The following SEMA6D variants were observed in gnomAD, a reference collection of about 807,000 sequenced individuals.
The protein encoded by SEMA6D is semaphorin 6D.
In SEMA6D, 35 loss-of-function variants were observed where a neutral mutation model predicts 106.6. The ratio of observed to expected loss-of-function variants is 0.33; its 90% CI spans 0.25 to 0.44. SEMA6D has a LOEUF of 0.44. SEMA6D is among the 20% of genes least tolerant of loss of function. SEMA6D has a pLI of 1.00. For synonymous variants in SEMA6D, 499 were observed against 487.7 expected (o/e 1.02, Z -0.31); for missense variants, 1,185 against 1,345.9 (o/e 0.88, Z 1.87).
rs570232373 is a variant in SEMA6D at position 47,764,084 on chromosome 15, G to A, written c.965+17G>A. The A allele has an allele frequency of 1.5e-5, 24 of 1,613,532 alleles. No homozygotes were observed. Among genetic ancestry groups the A allele is most frequent in the South Asian group, 8.8e-5 (8 of 91,058 alleles). On this transcript the variant is annotated intron_variant, in intron 10 of 18. Coordinates refer to ENST00000536845, the MANE Select transcript of SEMA6D (RefSeq NM_001358351.3). The stretch of plus-strand genomic sequence containing the variant: ...GCTCAATAGGTGAGAGCAGAACCCC[G>A]GCACTGCAAAGATATTCTCTGCATG...
chr15:47,332,071 A>G (rs1320806670), intron 1 of SEMA6D, among the ~76,000 whole-genome samples: 1 of 152,190 alleles, frequency 6.6e-6, no homozygotes, highest in Non-Finnish European at 1.5e-5. Flanking sequence ...GTTTGGAATG[A>G]GAAGTGCTGA....
chr15:47,527,515 ATG>A (rs2142016011), intron 3 of SEMA6D: 1 of 152,342 alleles, frequency 6.6e-6, no homozygotes, highest in South Asian at 2.1e-4. Context: ...TCATGTATAT[ATG>A]TGTGTTTCTG....
chr15:47,218,304 T>A (rs1314209427), intron 1 of SEMA6D, among the ~76,000 whole-genome samples: 1 of 152,184 alleles, frequency 6.6e-6, no homozygotes, highest in Non-Finnish European at 1.5e-5. Context: ...ACAACACCTC[T>A]TCTCCTGGTC....
At chr15:47,418,968 A>G (rs1185085798) in intron 2 of SEMA6D, among the ~76,000 whole-genome samples, 1 of 152,194 alleles carries the variant, frequency 6.6e-6, no homozygotes, top group Non-Finnish European at 1.5e-5. Context: ...AAGGAGGGTT[A>G]TGATTCCACC....
At chr15:47,535,293 A>G (rs959474863) in intron 3 of SEMA6D, among the ~76,000 whole-genome samples, 7 of 152,168 alleles carry the variant, frequency 4.6e-5, no homozygotes, top group African/African-American at 1.7e-4. Flanking sequence ...CCTATGAGGT[A>G]GATACAGGTG....
chr15:47,358,052 A>G (rs1448526348), intron 1 of SEMA6D, among the ~76,000 whole-genome samples: 3 of 152,200 alleles, frequency 2.0e-5, no homozygotes, highest in African/African-American at 7.2e-5. Context: ...GACTTCTGAT[A>G]GTTTTAGAGA....
At chr15:47,226,149 G>A (rs2031649695) in intron 1 of SEMA6D, among the ~76,000 whole-genome samples, 2 of 152,158 alleles carry the variant, frequency 1.3e-5, no homozygotes, top group South Asian at 4.2e-4. Flanking sequence ...AATAAAGGTA[G>A]CTATTAAGGT....
At chr15:47,262,811 C>T (rs2034139412) in intron 1 of SEMA6D, among the ~76,000 whole-genome samples, 1 of 152,054 alleles carries the variant, frequency 6.6e-6, no homozygotes, top group African/African-American at 2.4e-5. Flanking sequence ...TACAGAGCTA[C>T]AGTAATCAAA....
chr15:47,595,403 G>GTGAAT (rs2076514971), intron 3 of SEMA6D, among the ~76,000 whole-genome samples: 1 of 152,004 alleles, frequency 6.6e-6, no homozygotes, highest in Non-Finnish European at 1.5e-5. Context: ...TTGAACCATC[G>GTGAAT]TTGCATCCCT....
intron 1 of SEMA6D, among the ~76,000 whole-genome samples, chr15:47,229,891 G>A (rs755668110): frequency 8.5e-5 from 13 of 152,124 alleles, no homozygotes; most frequent in Non-Finnish European, 1.2e-4. Context: ...TTTGGTTAGC[G>A]TTGCCAGATA....
chr15:47,749,467 A>G (rs896158931), intron 1 of SEMA6D, among the ~76,000 whole-genome samples: 2 of 152,128 alleles, frequency 1.3e-5, no homozygotes, highest in Non-Finnish European at 2.9e-5. Context: ...TAATATTAGT[A>G]ATATTATTAT....
intron 4 of SEMA6D, among the ~76,000 whole-genome samples, chr15:47,679,302 A>G (rs1192060418): frequency 6.6e-6 from 1 of 152,228 alleles, no homozygotes; most frequent in East Asian, 1.9e-4. Flanking sequence ...TCTTTGGTCA[A>G]TTAGGCAATT....
chr15:47,304,053 T>C (rs2036128211), intron 1 of SEMA6D, among the ~76,000 whole-genome samples: 1 of 152,192 alleles, frequency 6.6e-6, no homozygotes. Context: ...GGATTCAGAT[T>C]AGTTAGAGTG....
At chr15:47,472,242 A>T (rs143360242) in intron 3 of SEMA6D, among the ~76,000 whole-genome samples, 1 of 152,294 alleles carries the variant, frequency 6.6e-6, no homozygotes, top group East Asian at 1.9e-4. Flanking sequence ...GTATTTTAAT[A>T]GCCCCTATTG....
chr15:47,208,346 A>G lies in SEMA6D; in HGVS notation c.-239+23928A>G, dbSNP rs566744490. 2.0e-5 allele frequency among the ~76,000 whole-genome samples: 3 copies of G among 152,268 alleles called. No individual in the cohort carries two copies. In the South Asian group the frequency reaches 6.2e-4, roughly 32 times the overall value. ...TAAGGAAGTTTATGCTTAGAGTCTT[A>G]GGAAAATACAGGTGAGATATATCTT... On this transcript the variant is annotated intron_variant, in intron 1 of 19. Coordinates refer to the SEMA6D transcript ENST00000558014.
intron 4 of SEMA6D, among the ~76,000 whole-genome samples, chr15:47,671,122 G>A (rs2078128144): frequency 6.6e-6 from 1 of 152,072 alleles, no homozygotes; most frequent in Non-Finnish European, 1.5e-5. Context: ...ATTACACATA[G>A]CACATAAGAA....
chr15:47,542,907 A>G (rs538261957), intron 3 of SEMA6D, among the ~76,000 whole-genome samples: 2 of 152,214 alleles, frequency 1.3e-5, no homozygotes, highest in East Asian at 3.9e-4. Flanking sequence ...TGTTCAAATT[A>G]GATATGAGGC....
intron 3 of SEMA6D, among the ~76,000 whole-genome samples, chr15:47,596,305 A>T (rs1481992063): frequency 6.6e-6 from 1 of 152,188 alleles, no homozygotes; most frequent in Non-Finnish European, 1.5e-5. Flanking sequence ...ATGGAAATAT[A>T]TTCTGTCTTC....
chr15:47,248,470 C>G (rs1308711566), intron 1 of SEMA6D, among the ~76,000 whole-genome samples: 3 of 152,112 alleles, frequency 2.0e-5, no homozygotes, highest in Non-Finnish European at 4.4e-5. Flanking sequence ...GAAGGCACCA[C>G]TGTTTATATG....
Sources: gnomAD v4.1 joint callset for allele counts (sites outside exome capture counted in the v4.1 genomes callset) on GRCh38, gnomAD v4.1.1 for gene constraint, MANE v1.5 for transcripts, NCBI Gene and HGNC (gene_info 2026-07-23, HGNC 2026-07-21) for gene names.